The following SLC35F1 variants were observed in gnomAD, a reference collection of about 807,000 sequenced individuals.
SLC35F1 encodes solute carrier family 35 member F1, also known as chromosome 6 open reading frame 169.
SLC35F1 carries 14 observed loss-of-function variants against 48.7 expected under a neutral mutation model. That is an observed-to-expected ratio of 0.29 (90% CI 0.19 to 0.45). SLC35F1 has a LOEUF of 0.45. Among genes scored for constraint, SLC35F1 ranks in the 20% least tolerant of loss-of-function variants. SLC35F1 has a pLI of 1.00. For synonymous variants in SLC35F1, 190 were observed against 202.2 expected (o/e 0.94, Z 0.51); for missense variants, 404 against 500.0 (o/e 0.81, Z 1.83).
chr6:118,236,371 T>G (rs555048986), intron 3 of SLC35F1, among the ~76,000 whole-genome samples: 11 of 152,320 alleles, frequency 7.2e-5, no homozygotes, highest in African/African-American at 2.2e-4. Context: ...TCTTTTTATA[T>G]GGTAATATTA....
chr6:118,070,995 T>TATATATATACACATA (rs1401290575), intron 1 of SLC35F1, among the ~76,000 whole-genome samples: 1 of 734 alleles, frequency 1.4e-3, no homozygotes, highest in Admixed American at 0.02. Flanking sequence ...ATTCTACGTG[T>TATATATATACACATA]GTGTATATAT....
At chr6:118,186,811 T>A (rs1774663008) in intron 2 of SLC35F1, among the ~76,000 whole-genome samples, 1 of 152,140 alleles carries the variant, frequency 6.6e-6, no homozygotes, top group African/African-American at 2.4e-5. Context: ...ACAATGCAAA[T>A]CAAGGTACAG....
At chr6:118,019,037 A>G (rs932635118) in intron 1 of SLC35F1, among the ~76,000 whole-genome samples, 1 of 152,162 alleles carries the variant, frequency 6.6e-6, no homozygotes, top group African/African-American at 2.4e-5. Context: ...TGGAGTTGCT[A>G]TTCTTCACGT....
At chr6:118,021,308 G>A (rs760274936) in intron 1 of SLC35F1, among the ~76,000 whole-genome samples, 5 of 152,172 alleles carry the variant, frequency 3.3e-5, no homozygotes, top group African/African-American at 4.8e-5. Flanking sequence ...ACTGAAATGG[G>A]AAAACCATTT....
At chr6:117,997,054 A>G (rs1280426276) in intron 1 of SLC35F1, among the ~76,000 whole-genome samples, 1 of 152,186 alleles carries the variant, frequency 6.6e-6, no homozygotes, top group East Asian at 1.9e-4. Context: ...TATAACTAGA[A>G]TAACCAATAC....
chr6:118,194,677 A>G (rs1774777004), intron 2 of SLC35F1, among the ~76,000 whole-genome samples: 1 of 152,186 alleles, frequency 6.6e-6, no homozygotes, highest in Non-Finnish European at 1.5e-5. Context: ...CCTTTTTCAC[A>G]TTAATCAAAA....
chr6:117,919,392 C>A (rs1040808492), intron 1 of SLC35F1, among the ~76,000 whole-genome samples: 1 of 152,164 alleles, frequency 6.6e-6, no homozygotes, highest in Non-Finnish European at 1.5e-5. Context: ...ATTTTACATG[C>A]AATAACATCT....
At chr6:118,313,471 C>T (rs1198295254) in intron 7 of SLC35F1, among the ~76,000 whole-genome samples, 1 of 152,132 alleles carries the variant, frequency 6.6e-6, no homozygotes, top group African/African-American at 2.4e-5. Flanking sequence ...TGTACTATTT[C>T]TTTCTGTTCA....
intron 2 of SLC35F1, among the ~76,000 whole-genome samples, chr6:118,165,770 C>G (rs1774308585): frequency 6.6e-6 from 1 of 152,134 alleles, no homozygotes; most frequent in Non-Finnish European, 1.5e-5. Flanking sequence ...GCATTCTTGC[C>G]CCTGATAACT....
At chr6:118,236,675 A>G (rs1361950260) in intron 3 of SLC35F1, among the ~76,000 whole-genome samples, 1 of 152,230 alleles carries the variant, frequency 6.6e-6, no homozygotes, top group Non-Finnish European at 1.5e-5. Context: ...GACCACCTCC[A>G]TATGCACGTT....
At chr6:118,017,593 A>G (rs185597644) in intron 1 of SLC35F1, among the ~76,000 whole-genome samples, 2 of 152,308 alleles carry the variant, frequency 1.3e-5, no homozygotes, top group Admixed American at 1.3e-4. Flanking sequence ...ATGAGCTCGT[A>G]CTAATTATGT....
chr6:118,039,899 G>T (rs1329446680), intron 1 of SLC35F1, among the ~76,000 whole-genome samples: 2 of 142,324 alleles, frequency 1.4e-5, no homozygotes, highest in Non-Finnish European at 3.0e-5. Context: ...TAGACTTTGG[G>T]TTCTGTTATA....
At chr6:117,974,224 A>G (rs1776678600) in intron 1 of SLC35F1, among the ~76,000 whole-genome samples, 3 of 152,230 alleles carry the variant, frequency 2.0e-5, no homozygotes, top group African/African-American at 4.8e-5. Context: ...AGCACTTAGC[A>G]TATACTTAAT....
intron 1 of SLC35F1, among the ~76,000 whole-genome samples, chr6:118,106,832 C>T (rs965003037): frequency 2.0e-5 from 3 of 152,212 alleles, no homozygotes; most frequent in Non-Finnish European, 4.4e-5. Context: ...CCTTTGGACA[C>T]ACCACGTTGT....
intron 1 of SLC35F1, among the ~76,000 whole-genome samples, chr6:118,133,369 A>C (rs1490525544): frequency 6.6e-6 from 1 of 152,204 alleles, no homozygotes; most frequent in African/African-American, 2.4e-5. Flanking sequence ...TAAGTGGCGC[A>C]ACTATTTTTA....
intron 1 of SLC35F1, among the ~76,000 whole-genome samples, chr6:118,093,343 A>G (rs1773104293): frequency 6.6e-6 from 1 of 152,128 alleles, no homozygotes; most frequent in Non-Finnish European, 1.5e-5. Flanking sequence ...ATGTGAGGAC[A>G]TGAGATTTGA....
At chr6:118,298,992 T>C (rs1218720957) in intron 7 of SLC35F1, among the ~76,000 whole-genome samples, 1 of 152,034 alleles carries the variant, frequency 6.6e-6, no homozygotes, top group Admixed American at 6.6e-5. Flanking sequence ...CTGGGCAACA[T>C]AGGGACACCT....
chr6:118,154,594 A>G lies in SLC35F1; in HGVS notation c.323A>G (p.Tyr108Cys). 6.2e-7 allele frequency: 1 copy of G among 1,613,412 alleles called. No individual in the cohort carries two copies. The highest frequency in any genetic ancestry group is 8.5e-7 in the Non-Finnish European group (1 of 1,179,666). Residue 108 changes from tyrosine to cysteine, a missense_variant, in exon 2 of 8, where the codon TAT (tyrosine) becomes TGT (cysteine). This residue lies in a region of SLC35F1 where 306 missense variants were observed against 419.1 expected (regional missense o/e 0.73). Transcript: ENST00000360388. ...FLNYILLFLV[Y>C]TTTLAVRQGE... is the part of the protein sequence containing the mutation. ...AATTACATTCTTCTCTTCTTGGTCT[A>G]TACCACCACACTAGCCGTCAGACAA...
intron 1 of SLC35F1, among the ~76,000 whole-genome samples, chr6:118,115,894 TA>T (rs1405015981): frequency 6.6e-6 from 1 of 152,198 alleles, no homozygotes; most frequent in Non-Finnish European, 1.5e-5. Context: ...GCGTTAATGT[TA>T]AAAAGTTAAT....
Sources: allele counts gnomAD v4.1 joint callset (sites outside exome capture counted in the v4.1 genomes callset), GRCh38; gene constraint gnomAD v4.1.1; regional missense constraint gnomAD v4.1.1; transcripts MANE v1.5; gene names NCBI Gene and HGNC (gene_info 2026-07-23, HGNC 2026-07-21).